IQCB1: variants seen among roughly 807,000 people sequenced by gnomAD.
The protein encoded by IQCB1 is IQ calmodulin-binding motif-containing protein 1.
A neutral mutation model predicts 84.4 loss-of-function variants in IQCB1; 56 were observed. The ratio of observed to expected loss-of-function variants is 0.66; its 90% confidence interval spans 0.54 to 0.83. IQCB1 has a LOEUF of 0.83. Ranked by LOEUF, IQCB1 falls within the 40% of genes least tolerant of loss-of-function variation. IQCB1 has a pLI of 0.00. For synonymous variants in IQCB1, 210 were observed against 234.8 expected (o/e 0.89, Z 0.96); for missense variants, 629 against 682.1 (o/e 0.92, Z 0.87).
chr3:121,802,794 GTGATA>G (rs1949457675), intron 7 of IQCB1, among the ~76,000 whole-genome samples: 1 of 152,136 alleles, frequency 6.6e-6, no homozygotes, highest in Admixed American at 6.6e-5. Context: ...ATAGGCATTA[GTGATA>G]TAAATTTCCC....
intron 7 of IQCB1, among the ~76,000 whole-genome samples, chr3:121,801,831 T>TTA (rs35740008): frequency 2.7e-5 from 4 of 148,356 alleles, no homozygotes; most frequent in East Asian, 2.0e-4. Flanking sequence ...TTTTTTTTTT[T>TTA]AATTAAAATC....
intron 2 of IQCB1, 91 bp from the exon 3 acceptor site, chr3:121,829,063 T>G: frequency 1.3e-6 from 1 of 749,598 alleles, no homozygotes; most frequent in Non-Finnish European, 2.3e-6. Flanking sequence ...TCAATATAAA[T>G]AAAAACAGCT....
rs1467393686 is a variant in IQCB1 at position 121,797,141 on chromosome 3, C to T, written c.853G>A (p.Val285Ile). The T allele has an allele frequency of 1.9e-6, 3 of 1,597,140 alleles. No individual in the cohort carries two copies. The highest frequency in any genetic ancestry group is 2.6e-6 in the Non-Finnish European group (3 of 1,166,036). The change falls in exon 9 of 15, where the codon GTC becomes ATC. Residue 285 changes from valine (V) to isoleucine (I), a missense_variant. Transcript: ENST00000310864. ...RQLVGLLSPM[V>I]YQEVEEQKLH... The stretch of plus-strand genomic sequence containing the variant: ...ACCTGCTCTTCTACTTCCTGATAGA[C>T]CATTGGGCTTAAAAGGCCAACAAGC...
At chr3:121,789,944 T>A (rs1392664630) in intron 11 of IQCB1, 129 bp downstream of exon 11, 2 of 782,866 alleles carry the variant, frequency 2.6e-6, no homozygotes, top group African/African-American at 3.5e-5. Flanking sequence ...TAATAAAGTT[T>A]ATCTGAAAAA....
chr3:121,809,216 T>C (rs1040668714), intron 5 of IQCB1, among the ~76,000 whole-genome samples: 1 of 151,950 alleles, frequency 6.6e-6, no homozygotes, highest in African/African-American at 2.4e-5. Flanking sequence ...AAATGGTTGT[T>C]ATCCAGATAA....
chr3:121,785,646 C>T (rs907096895), intron 12 of IQCB1, among the ~76,000 whole-genome samples: 1 of 151,944 alleles, frequency 6.6e-6, no homozygotes, highest in Non-Finnish European at 1.5e-5. Flanking sequence ...ATAAAACATA[C>T]AACAATATAC....
At chr3:121,815,997 G>T (rs1318028083) in intron 5 of IQCB1, among the ~76,000 whole-genome samples, 2 of 149,150 alleles carry the variant, frequency 1.3e-5, no homozygotes, top group Non-Finnish European at 3.0e-5. Flanking sequence ...AAAGCTGGAG[G>T]CATCATGCTA....
intron 2 of IQCB1, among the ~76,000 whole-genome samples, chr3:121,830,081 G>T (rs1165080164): frequency 6.6e-6 from 1 of 151,986 alleles, no homozygotes; most frequent in Non-Finnish European, 1.5e-5. Flanking sequence ...GGTGGCGCGT[G>T]CCTGTAATCC....
chr3:121,780,570 G>A (rs186432257), intron 13 of IQCB1, among the ~76,000 whole-genome samples: 1 of 152,282 alleles, frequency 6.6e-6, no homozygotes, highest in East Asian at 1.9e-4. Flanking sequence ...GAAGCAGAAA[G>A]TAAGAGGGCT....
intron 12 of IQCB1, among the ~76,000 whole-genome samples, chr3:121,786,967 C>T (rs1037846941): frequency 2.2e-4 from 33 of 152,240 alleles, no homozygotes; most frequent in African/African-American, 7.7e-4. Flanking sequence ...CCAAAGCTTC[C>T]TCCAAAGGAA....
chr3:121,807,495 A>G (rs760468029), intron 6 of IQCB1, 52 bp from the exon 7 acceptor site: 1 of 959,332 alleles, frequency 1.0e-6, no homozygotes, highest in Non-Finnish European at 1.7e-6. Context: ...TTATGATAAC[A>G]AAGGAAGATT....
intron 2 of IQCB1, among the ~76,000 whole-genome samples, chr3:121,831,464 C>A (rs981609260): frequency 2.0e-5 from 3 of 152,028 alleles, no homozygotes; most frequent in Admixed American, 1.3e-4. Context: ...ATTAATACAC[C>A]CCAAGGTGTG....
At chr3:121,782,964 C>T (rs572011993) in intron 12 of IQCB1, among the ~76,000 whole-genome samples, 1 of 152,270 alleles carries the variant, frequency 6.6e-6, no homozygotes, top group Admixed American at 6.5e-5. Flanking sequence ...CGTGAGCCAT[C>T]GCGTCCCACC....
chr3:121,828,267 G>T (rs1220907863), intron 4 of IQCB1, among the ~76,000 whole-genome samples: 1 of 152,090 alleles, frequency 6.6e-6, no homozygotes, highest in Non-Finnish European at 1.5e-5. Context: ...TCTTCATTAA[G>T]CTTGTGGAGG....
intron 4 of IQCB1, among the ~76,000 whole-genome samples, chr3:121,827,951 T>G (rs1404046188): frequency 6.6e-6 from 1 of 152,152 alleles, no homozygotes; most frequent in Non-Finnish European, 1.5e-5. Flanking sequence ...TAAATTCTAC[T>G]TCTAAATTTT....
At chr3:121,817,785 A>C (rs1440875845) in intron 5 of IQCB1, among the ~76,000 whole-genome samples, 1 of 152,080 alleles carries the variant, frequency 6.6e-6, no homozygotes, top group Admixed American at 6.6e-5. Flanking sequence ...TTGGAGGTGT[A>C]GATTGGGTCA....
rs772303437 is a variant in IQCB1, at chr3:121,795,494, G to T, written c.949C>A (p.Leu317Ile). The T allele has an allele frequency of 8.7e-6, 14 of 1,607,674 alleles. No individual in the cohort carries two copies. The highest frequency in any genetic ancestry group is 1.7e-6 in the Non-Finnish European group (2 of 1,175,582). The change falls in exon 10 of 15, where the codon CTT (leucine) becomes ATT (isoleucine). Residue 317 changes from leucine (L) to isoleucine (I), a missense_variant. By Grantham distance (5) the Leu-to-Ile change is conservative. Transcript: ENST00000310864. ...GFQTRKRLKK[L>I]PSAVIALQRS... ...TGCAAAGCAATCACAGCAGATGGAA[G>T]CTTCTTTAATCTCTTTCTTGTCTGA...
At chr3:121,772,339 A>C (rs1948031527) in intron 14 of IQCB1, among the ~76,000 whole-genome samples, 2 of 152,226 alleles carry the variant, frequency 1.3e-5, no homozygotes, top group Admixed American at 1.3e-4. Context: ...GGTGACACAT[A>C]TGAATGATGG....
In IQCB1 at chr3:121,832,327, A is replaced by AT. The variant is rs66929099; in HGVS notation, c.-13+2063dup. Among the ~76,000 whole-genome samples the AT allele has an allele frequency of 4.2e-3, 570 of 135,624 alleles. 5 individuals are homozygous for AT. Among genetic ancestry groups the AT allele is most frequent in the East Asian group, 5.6e-3 (27 of 4,830 alleles). The allele number at this position is 135,624 out of a possible 152,430, so 89.0% of individuals were successfully genotyped here. On this transcript the variant is annotated intron_variant, in intron 2 of 14. Coordinates refer to ENST00000310864, the MANE Select transcript of IQCB1 (RefSeq NM_001023570.4). ...ATGGGGTCTTTACCATAATTTTACA[A>AT]TTTTTTTTTTTTTTTTTGAGAGAGA...
Sources: allele counts gnomAD v4.1 joint callset (sites outside exome capture counted in the v4.1 genomes callset), GRCh38; gene constraint gnomAD v4.1.1; transcripts MANE v1.5; gene names NCBI Gene and HGNC (gene_info 2026-07-23, HGNC 2026-07-21).